The following AGBL3 variants were observed in gnomAD, a reference collection of about 807,000 sequenced individuals.
The protein encoded by AGBL3 is AGBL carboxypeptidase 3.
AGBL3 carries 68 observed loss-of-function variants against 94.5 expected under a neutral mutation model. The observed-to-expected ratio is 0.72, with a 90% confidence interval of 0.59 to 0.88. AGBL3 has a LOEUF of 0.88. Among genes scored for constraint, AGBL3 ranks in the 40% least tolerant of loss-of-function variants. The pLI is 0.00. For missense variants in AGBL3, 934 were observed against 1,103.8 expected, an observed-to-expected ratio of 0.85 and a Z score of 2.18; for synonymous variants, 354 against 370.7, an observed-to-expected ratio of 0.95 and a Z score of 0.52.
At chr7:135,077,513 T>C (rs62479684) in intron 13 of AGBL3, among the ~76,000 whole-genome samples, 73,673 of 151,844 alleles carry the variant, frequency 0.49, 18,241 homozygotes, top group South Asian at 0.66. Flanking sequence ...ACAAAACAGA[T>C]AGCTCCTAAT....
chr7:135,041,274 A>G (rs4728348), intron 8 of AGBL3, among the ~76,000 whole-genome samples: 67,114 of 151,938 alleles, frequency 0.44, 15,479 homozygotes, highest in East Asian at 0.78. Flanking sequence ...GGCTGATTCT[A>G]AGATGGATAA....
intron 11 of AGBL3, among the ~76,000 whole-genome samples, chr7:135,055,230 C>T (rs532644865): frequency 6.6e-6 from 1 of 152,190 alleles, no homozygotes; most frequent in Non-Finnish European, 1.5e-5. Flanking sequence ...CAAATTTCAA[C>T]ATGAGTTTGG....
chr7:135,064,774 T>C (rs1012207242), intron 12 of AGBL3, among the ~76,000 whole-genome samples: 4 of 152,182 alleles, frequency 2.6e-5, no homozygotes, highest in African/African-American at 9.7e-5. Flanking sequence ...TACTAAACCA[T>C]ATTTTGAAGA....
chr7:135,053,394 G>A (rs1290881926), intron 11 of AGBL3, among the ~76,000 whole-genome samples: 2 of 152,126 alleles, frequency 1.3e-5, no homozygotes, highest in African/African-American at 4.8e-5. Context: ...TATCACCTGA[G>A]GTTGGGAGTT....
At chr7:135,043,964 C>A (rs533233747) in intron 8 of AGBL3, 61 bp from the exon 9 acceptor site, 1 of 1,507,528 alleles carries the variant, frequency 6.6e-7, no homozygotes, top group South Asian at 1.3e-5. Context: ...TTTAATACTA[C>A]TTTCAAAAAA....
chr7:135,057,073 T>G (rs549823811), intron 11 of AGBL3, among the ~76,000 whole-genome samples: 7 of 152,138 alleles, frequency 4.6e-5, no homozygotes, highest in African/African-American at 1.4e-4. Context: ...CCCAGAAATA[T>G]ATCCAATATA....
intron 15 of AGBL3, among the ~76,000 whole-genome samples, chr7:135,108,442 T>G (rs1825100810): frequency 6.6e-6 from 1 of 152,168 alleles, no homozygotes; most frequent in Non-Finnish European, 1.5e-5. Flanking sequence ...CTAAAATGGA[T>G]CTTATTTCTC....
chr7:135,041,620 T>G (rs1816869742), intron 8 of AGBL3, among the ~76,000 whole-genome samples: 1 of 26,558 alleles, frequency 3.8e-5, no homozygotes, highest in Non-Finnish European at 1.3e-4. Context: ...AGAAGAAAAT[T>G]TTTATGACAT....
intron 6 of AGBL3, among the ~76,000 whole-genome samples, chr7:135,033,897 T>A (rs1039676984): frequency 1.3e-5 from 2 of 152,212 alleles, no homozygotes; most frequent in African/African-American, 4.8e-5. Context: ...CAAATACCTG[T>A]GTTTTTATGT....
At chr7:135,094,420 T>C (rs1195269928) in intron 15 of AGBL3, 1 of 456,658 alleles carries the variant, frequency 2.2e-6, no homozygotes. Flanking sequence ...GTAGGAACAC[T>C]TAAACAGTGA....
chr7:135,064,823 C>A (rs1448961985), intron 12 of AGBL3, among the ~76,000 whole-genome samples: 1 of 152,164 alleles, frequency 6.6e-6, no homozygotes, highest in African/African-American at 2.4e-5. Context: ...GCAAAAAATC[C>A]TTCCAAAATG....
intron 12 of AGBL3, among the ~76,000 whole-genome samples, chr7:135,067,165 G>C (rs1474836471): frequency 1.3e-5 from 2 of 152,236 alleles, no homozygotes; most frequent in East Asian, 3.9e-4. Flanking sequence ...AGATCAAACT[G>C]CAAGGCGACA....
intron 15 of AGBL3, among the ~76,000 whole-genome samples, chr7:135,089,802 C>T (rs1186890890): frequency 6.6e-6 from 1 of 152,174 alleles, no homozygotes; most frequent in Non-Finnish European, 1.5e-5. Context: ...ACACAACCTA[C>T]AAGCAGCTGC....
chr7:135,096,465 G>A (rs1221445867), intron 15 of AGBL3, among the ~76,000 whole-genome samples: 1 of 150,254 alleles, frequency 6.7e-6, no homozygotes, highest in Non-Finnish European at 1.5e-5. Context: ...ATGACTCGTG[G>A]AAGAACATAT....
chr7:135,022,202 C>A (rs562745369), intron 5 of AGBL3, among the ~76,000 whole-genome samples: 1 of 152,292 alleles, frequency 6.6e-6, no homozygotes, highest in East Asian at 1.9e-4. Flanking sequence ...ATTGCTGGGT[C>A]AAATGGTATT....
intron 5 of AGBL3, among the ~76,000 whole-genome samples, chr7:135,032,073 A>C (rs1195725213): frequency 6.6e-6 from 1 of 152,122 alleles, no homozygotes; most frequent in Non-Finnish European, 1.5e-5. Context: ...CCACCTCCCT[A>C]GGCTGTAGTC....
At chr7:135,120,341 C>T (rs762712180) in intron 16 of AGBL3, among the ~76,000 whole-genome samples, 5 of 151,932 alleles carry the variant, frequency 3.3e-5, no homozygotes, top group Non-Finnish European at 7.4e-5. Context: ...GGTAAAAGGA[C>T]ATAAAAGGAG....
intron 15 of AGBL3, among the ~76,000 whole-genome samples, chr7:135,105,880 G>A (rs1824636558): frequency 6.6e-6 from 1 of 152,116 alleles, no homozygotes; most frequent in African/African-American, 2.4e-5. Context: ...AGCATGGAAT[G>A]TTCCATTTGT....
At chr7:135,132,520 A>G (rs537188657) in intron 16 of AGBL3, among the ~76,000 whole-genome samples, 6 of 152,286 alleles carry the variant, frequency 3.9e-5, no homozygotes, top group Admixed American at 1.3e-4. Context: ...ATCTTACTCA[A>G]TAAAGTCCAT....
Sources: gnomAD v4.1 joint callset for allele counts (sites outside exome capture counted in the v4.1 genomes callset) on GRCh38, gnomAD v4.1.1 for gene constraint, MANE v1.5 for transcripts, NCBI Gene and HGNC (gene_info 2026-07-23, HGNC 2026-07-21) for gene names.